The following RAB37 variants were observed in gnomAD, a reference collection of about 807,000 sequenced individuals.
The protein encoded by RAB37 is RAB37, member RAS oncogene family, also known as ras-related protein Rab-37.
RAB37 carries 29 observed loss-of-function variants against 33.1 expected under a neutral mutation model. The ratio of observed to expected loss-of-function variants is 0.88; its 90% CI spans 0.65 to 1.20. The LOEUF (loss-of-function observed/expected upper bound fraction) is 1.20, where lower values mean the gene tolerates loss of function less well. Among genes scored for constraint, RAB37 ranks in the 50% most tolerant of loss-of-function variants. RAB37 has a pLI of 0.00. For missense variants in RAB37, 299 were observed against 301.1 expected, an observed-to-expected ratio of 0.99 and a Z score of 0.05; for synonymous variants, 128 against 119.5, an observed-to-expected ratio of 1.07 and a Z score of -0.47.
intron 1 of RAB37, among the ~76,000 whole-genome samples, chr17:74,674,394 T>C (rs142321916): frequency 1.3e-5 from 2 of 151,062 alleles, no homozygotes; most frequent in African/African-American, 4.9e-5. Context: ...GGAAATGATT[T>C]TTTAAATAGA....
At chr17:74,688,420 G>T (rs1376687461) in intron 1 of RAB37, among the ~76,000 whole-genome samples, 3 of 152,032 alleles carry the variant, frequency 2.0e-5, no homozygotes, top group Non-Finnish European at 4.4e-5. Context: ...AGGCATGGTG[G>T]CAGGTGCCTG....
upstream of RAB37, among the ~76,000 whole-genome samples, chr17:74,736,121 G>C (rs139216814): frequency 1.1e-3 from 162 of 152,232 alleles, no homozygotes; most frequent in Middle Eastern, 0.024. Flanking sequence ...ACTGAGGCGG[G>C]AGTATAGCTT....
In RAB37 at chr17:74,737,377, T is replaced by A. The variant is rs2144057177; in HGVS notation, c.93+12T>A. 1 of 1,552,836 alleles carries A rather than the reference T, an allele frequency of 6.4e-7. No homozygotes were observed. The highest frequency in any genetic ancestry group is 1.9e-5 in the Admixed American group (1 of 52,732). On this transcript the variant is annotated intron_variant, in intron 1 of 8. Coordinates refer to ENST00000392613, the MANE Select transcript of RAB37 (RefSeq NM_001006638.3). ...ACCTCACGGGCAAGGTGGGTGGGCC[T>A]CTTCCGTGAGACCCCCGCCCTCCTC...
intron 1 of RAB37, chr17:74,695,789 T>G (rs2034310): frequency 1.9e-6 from 3 of 1,613,936 alleles, no homozygotes; most frequent in Non-Finnish European, 2.5e-6. Context: ...GGTAGCCTTT[T>G]GCGGGGAGGT....
intron 1 of RAB37, among the ~76,000 whole-genome samples, chr17:74,677,034 C>T (rs907517469): frequency 1.4e-4 from 21 of 152,034 alleles, no homozygotes; most frequent in Admixed American, 3.3e-4. Flanking sequence ...CCTGAAATCC[C>T]AGCTACTCAG....
upstream of RAB37, among the ~76,000 whole-genome samples, chr17:74,734,883 G>T (rs543888659): frequency 1.2e-4 from 17 of 145,840 alleles, no homozygotes; most frequent in South Asian, 3.6e-3. Context: ...GAGACAGAGA[G>T]AAAGAAAGGG....
chr17:74,704,820 GA>G, intron 1 of RAB37: 1 of 1,606,448 alleles, frequency 6.2e-7, no homozygotes, highest in Non-Finnish European at 8.5e-7. Context: ...GAGTAGCCTG[GA>G]AAACACAAAT....
At chr17:74,683,448 G>A (rs963442541) in intron 1 of RAB37, among the ~76,000 whole-genome samples, 4 of 152,122 alleles carry the variant, frequency 2.6e-5, no homozygotes, top group African/African-American at 9.7e-5. Flanking sequence ...GTCAGCCCAG[G>A]GCTACATGAA....
rs2031712335 is a variant in RAB37, at chr17:74,671,781, GGA to G, written c.72+125_72+126del. On this transcript the variant is annotated intron_variant, in intron 1 of 7. Coordinates refer to the RAB37 transcript ENST00000340415. This position sits in a 1 kb window ranked among gnomAD's most constrained non-coding sequence, Gnocchi z 5.0. ...AACTAGCTTGTATCTGTGAGTCTGG[GGA>G]GCCCTTTCTGTCTGATCCTGTTTCC... 1.2e-6 allele frequency: 1 copy of G among 838,426 alleles called. No homozygotes were observed. Among genetic ancestry groups the G allele is most frequent in the African/African-American group, 1.7e-5 (1 of 59,368 alleles). The allele number at this position is 838,426 out of a possible 1,614,324, so 51.9% of individuals were successfully genotyped here. A position where few individuals can be genotyped will look rare whatever the true frequency, so the allele number is the denominator to read the frequency against.
rs1163915122 is a variant in RAB37 at position 74,713,315 on chromosome 17, CAA to C, written c.73-15925_73-15924del. Among the ~76,000 whole-genome samples the C allele has an allele frequency of 7.3e-3, 447 of 61,016 alleles. 1 individual carries two copies. The highest frequency in any genetic ancestry group is 0.049 in the Middle Eastern group (4 of 82). The allele number at this position is 61,016 out of a possible 152,430, so 40.0% of individuals were successfully genotyped here. ...AACAAGACTCTGTCTCAAACAAAAA[CAA>C]AAAAAAAAAAAAAAAGAGGAAGGAG... On this transcript the variant is annotated intron_variant, in intron 1 of 7. Coordinates refer to the RAB37 transcript ENST00000340415.
rs886775084 is a variant in RAB37 at position 74,699,672 on chromosome 17, C to T, written c.72+28014C>T. 1.5e-4 allele frequency among the ~76,000 whole-genome samples: 23 copies of T among 152,236 alleles called. No individual in the cohort carries two copies. The East Asian group carries it at 3.9e-3, about 26-fold the overall frequency. On this transcript the variant is annotated intron_variant, in intron 1 of 7. Transcript: ENST00000340415. ...CCCAGGGTGGCAACAGCCCTGGTGACACCTTGATTTCCAATTCCTGGCCTC... is the reference window on the plus strand; with the variant it reads ...CCCAGGGTGGCAACAGCCCTGGTGATACCTTGATTTCCAATTCCTGGCCTC...
At chr17:74,720,735 C>A (rs2034228108) in intron 1 of RAB37, among the ~76,000 whole-genome samples, 1 of 152,178 alleles carries the variant, frequency 6.6e-6, no homozygotes, top group African/African-American at 2.4e-5. Flanking sequence ...TAAGTGTTAA[C>A]CAGCTCAGTG....
chr17:74,699,597 G>A (rs1257746754), intron 1 of RAB37, among the ~76,000 whole-genome samples: 2 of 152,050 alleles, frequency 1.3e-5, no homozygotes, highest in Admixed American at 6.6e-5. Flanking sequence ...GATCGCAGGC[G>A]CCCACCAGCA....
upstream of RAB37, among the ~76,000 whole-genome samples, chr17:74,732,740 T>C (rs564720076): frequency 1.2e-5 from 1 of 83,722 alleles, no homozygotes; most frequent in East Asian, 3.7e-4. Context: ...TGATTTGAGG[T>C]GTGTGTGATG....
rs575055343 is a variant in RAB37, at chr17:74,711,977, T to C, written c.73-17279T>C. 1.6e-4 allele frequency among the ~76,000 whole-genome samples: 24 copies of C among 149,120 alleles called. No homozygotes were observed. In the South Asian group the frequency reaches 5.1e-3, roughly 32 times the overall value. ...TGGAAGGCAGTAGTGTGATTACAGG[T>C]CACTGCAGCCTCCAACTCCTGGGCT... On this transcript the variant is annotated intron_variant, in intron 1 of 7. Coordinates refer to the RAB37 transcript ENST00000340415.
intron 1 of RAB37, 90 bp downstream of exon 1, chr17:74,737,455 G>A: frequency 1.5e-6 from 2 of 1,367,196 alleles, no homozygotes; most frequent in Middle Eastern, 1.8e-4. Context: ...CTTCCCCCAG[G>A]CAGCTGCGTC....
chr17:74,689,165 G>A (rs1427069877), intron 1 of RAB37, among the ~76,000 whole-genome samples: 4 of 152,162 alleles, frequency 2.6e-5, no homozygotes, highest in Non-Finnish European at 2.9e-5. Flanking sequence ...AGGTGTGGGC[G>A]AGTGTGGTAG....
chr17:74,695,179 A>G (rs1467168130), intron 1 of RAB37: 2 of 1,613,986 alleles, frequency 1.2e-6, no homozygotes, highest in East Asian at 2.2e-5. Context: ...CCCATGTTGC[A>G]GTAGGTCGGT....
intron 1 of RAB37, among the ~76,000 whole-genome samples, chr17:74,704,022 G>A (rs1167061509): frequency 1.3e-5 from 2 of 152,202 alleles, no homozygotes; most frequent in African/African-American, 4.8e-5. Context: ...ACTATGCTGA[G>A]CCTCTTTTTC....
Sources: gnomAD v4.1 joint callset for allele counts (sites outside exome capture counted in the v4.1 genomes callset) on GRCh38, gnomAD v4.1.1 for gene constraint, Gnocchi (gnomAD v3.1) non-coding constraint, MANE v1.5 for transcripts, NCBI Gene and HGNC (gene_info 2026-07-23, HGNC 2026-07-21) for gene names.